CEP89: variants seen among roughly 807,000 people sequenced by gnomAD.
CEP89 encodes centrosomal protein 89, also known as centrosomal protein of 89 kDa.
CEP89 carries 95 observed loss-of-function variants against 97.6 expected under a neutral mutation model. The ratio of observed to expected loss-of-function variants is 0.97; its 90% CI spans 0.82 to 1.15. The LOEUF is 1.15. Among genes scored for constraint, CEP89 ranks in the 50% most tolerant of loss-of-function variants. CEP89 has a pLI of 0.00. For synonymous variants in CEP89, 354 were observed against 349.1 expected, an observed-to-expected ratio of 1.01 and a Z score of -0.16; for missense variants, 869 against 947.7, an observed-to-expected ratio of 0.92 and a Z score of 1.09.
At chr19:32,935,746 G>A (rs1017808593) in intron 7 of CEP89, among the ~76,000 whole-genome samples, 1 of 152,116 alleles carries the variant, frequency 6.6e-6, no homozygotes, top group Non-Finnish European at 1.5e-5. Flanking sequence ...CAAGCCTCTT[G>A]CTCCATGGAG....
intron 14 of CEP89, among the ~76,000 whole-genome samples, chr19:32,907,640 T>C (rs1319546677): frequency 6.6e-6 from 1 of 152,130 alleles, no homozygotes; most frequent in African/African-American, 2.4e-5. Context: ...TTAGTAGAGA[T>C]GGCGTTTCAC....
Position 32,936,059 on chromosome 19 carries a change from C to G in CEP89, c.667+1572G>C, listed in dbSNP as rs1296632099. On this transcript the variant is annotated intron_variant, in intron 7 of 18. Coordinates refer to ENST00000305768, the MANE Select transcript of CEP89 (RefSeq NM_032816.5). The surrounding 1 kb of genome is among the most constrained non-coding windows in gnomAD (Gnocchi z 4.5). ...ACAGTTGCCCTCCCATGTGTAGGACCTGGGTGTCTCTGCAGTCTGCACCCT... is the reference window on the plus strand; with the variant it reads ...ACAGTTGCCCTCCCATGTGTAGGACGTGGGTGTCTCTGCAGTCTGCACCCT... Among the ~76,000 whole-genome samples, 1 of 152,078 alleles carries G rather than the reference C, an allele frequency of 6.6e-6. No homozygotes were observed. The highest frequency in any genetic ancestry group is 1.9e-4 in the East Asian group (1 of 5,170).
intron 1 of CEP89, 144 bp downstream of exon 1, chr19:32,971,692 T>A: frequency 4.2e-6 from 3 of 718,034 alleles, no homozygotes; most frequent in African/African-American, 1.9e-5. Context: ...ACACGAAAAA[T>A]CAAGGCTTCC....
chr19:32,894,869 C>A (rs1299618240), intron 16 of CEP89, among the ~76,000 whole-genome samples: 1 of 152,184 alleles, frequency 6.6e-6, no homozygotes, highest in African/African-American at 2.4e-5. Flanking sequence ...CTCTCAAATT[C>A]TTTTGTGAAG....
At chr19:32,912,372 AAGGAGATTT>A (rs1230034472) in intron 14 of CEP89, among the ~76,000 whole-genome samples, 2 of 152,144 alleles carry the variant, frequency 1.3e-5, no homozygotes, top group Non-Finnish European at 2.9e-5. Context: ...ACTTTAAATA[AAGGAGATTT>A]ACTCTCAGTA....
intron 5 of CEP89, 46 bp downstream of exon 5, chr19:32,948,220 A>G (rs374491446): frequency 8.8e-7 from 1 of 1,136,784 alleles, no homozygotes. Flanking sequence ...TTCATTATGA[A>G]AAAATGTTCT....
intron 18 of CEP89, among the ~76,000 whole-genome samples, chr19:32,880,186 G>A (rs1969251627): frequency 1.3e-5 from 2 of 152,190 alleles, no homozygotes; most frequent in South Asian, 2.1e-4. Context: ...TAGCCCCATC[G>A]GGGAGCATGG....
chr19:32,946,397 A>G (rs547855380), intron 5 of CEP89, among the ~76,000 whole-genome samples: 1 of 152,342 alleles, frequency 6.6e-6, no homozygotes, highest in South Asian at 2.1e-4. Flanking sequence ...GATGTTACAC[A>G]AGGCAGGAGA....
At chr19:32,891,379 C>G (rs191969310) in intron 16 of CEP89, among the ~76,000 whole-genome samples, 43 of 149,398 alleles carry the variant, frequency 2.9e-4, no homozygotes, top group Non-Finnish European at 5.4e-4. Context: ...ACACATACAC[C>G]AATACAAAAA....
chr19:32,898,671 C>A (rs945257608), intron 16 of CEP89, among the ~76,000 whole-genome samples: 1 of 152,012 alleles, frequency 6.6e-6, no homozygotes, highest in Non-Finnish European at 1.5e-5. Flanking sequence ...CTCTTGAGGC[C>A]AGGAATTCAA....
In CEP89 at chr19:32,915,567, A is replaced by C. The variant is rs577231732; in HGVS notation, c.1385-50T>G. Reference sequence around the variant, plus strand: ...AAACTTGGCACAGAAGACCTCACAAAACACAATTATGGGCTATTAGGAAAT... The same window carrying C: ...AAACTTGGCACAGAAGACCTCACAACACACAATTATGGGCTATTAGGAAAT... On this transcript the variant is annotated intron_variant, in intron 13 of 18. Transcript: ENST00000305768. 36 of 1,498,232 alleles carry C rather than the reference A, an allele frequency of 2.4e-5. No individual in the cohort carries two copies. In the East Asian group the frequency reaches 8.1e-4, roughly 34 times the overall value. 92.8% of individuals were successfully genotyped at this position (1,498,232 alleles called of 1,614,324 possible).
chr19:32,887,031 A>C (rs1409671839), intron 17 of CEP89, among the ~76,000 whole-genome samples: 2 of 84,544 alleles, frequency 2.4e-5, no homozygotes, highest in Admixed American at 2.1e-4. Context: ...AAAAAATACA[A>C]AAAAAAAAAA....
chr19:32,884,581 AT>A (rs1298908454), intron 17 of CEP89, among the ~76,000 whole-genome samples: 3 of 151,848 alleles, frequency 2.0e-5, no homozygotes, highest in East Asian at 1.9e-4. Flanking sequence ...AATTAAAACA[AT>A]TTTTTTTAGA....
intron 11 of CEP89, among the ~76,000 whole-genome samples, chr19:32,925,433 A>C (rs1286876866): frequency 6.6e-6 from 1 of 151,316 alleles, no homozygotes; most frequent in East Asian, 1.9e-4. Context: ...GAAGCATCTA[A>C]GTTTGCCCAA....
chr19:32,926,405 A>C, intron 10 of CEP89, 132 bp from the exon 11 acceptor site: 2 of 669,418 alleles, frequency 3.0e-6, no homozygotes, highest in Non-Finnish European at 5.2e-6. Flanking sequence ...TTTTTTAACG[A>C]CTCTCCCAGC....
In CEP89 at chr19:32,875,948, G is replaced by A. The variant is rs1421950740; in HGVS notation, c.*3214C>T. On this transcript the variant is annotated 3_prime_UTR_variant, in exon 19 of 19. Transcript: ENST00000305768. ...CCTGGGTGTTATTTCTTTTTTAATT[G>A]TCTATATAACAAAATCCACTGTTGT... 6.6e-6 allele frequency: 1 copy of A among 152,120 alleles called. No homozygotes were observed. Among genetic ancestry groups the A allele is most frequent in the African/African-American group, 2.4e-5 (1 of 41,420 alleles). The allele number at this position is 152,120 out of a possible 1,614,324, so 9.4% of individuals were successfully genotyped here.
chr19:32,881,853 T>C lies in CEP89; in HGVS notation c.2126A>G (p.Gln709Arg). Residue 709 changes from glutamine to arginine, a missense_variant, in exon 18 of 19, where the codon CAG (glutamine) becomes CGG (arginine). By Grantham distance (43) the Gln-to-Arg change is conservative. Coordinates refer to ENST00000305768, the MANE Select transcript of CEP89 (RefSeq NM_032816.5). The part of the protein sequence containing the change: ...DKQEVLDQAL[Q>R]QNREMEGELE... Reference sequence around the variant, plus strand: ...AGGGCGCATGCCCCACCTGTTCTGCTGCAGCGCCTGGTCCAGCACCTCCTG... The same window carrying C: ...AGGGCGCATGCCCCACCTGTTCTGCCGCAGCGCCTGGTCCAGCACCTCCTG... The C allele has an allele frequency of 6.2e-7, 1 of 1,602,178 alleles. No individual in the cohort carries two copies. The highest frequency in any genetic ancestry group is 1.7e-5 in the Admixed American group (1 of 59,626).
chr19:32,902,008 C>CTGTGTGTGTGTGTGTGTGTGTGTG (rs1265424963), intron 14 of CEP89, among the ~76,000 whole-genome samples: 8 of 99,640 alleles, frequency 8.0e-5, no homozygotes, highest in African/African-American at 3.3e-4. Flanking sequence ...CTCTCTCTCT[C>CTGTGTGTGTGTGTGTGTGTGTGTG]TCTGTGTGTG....
At chr19:32,955,655 AG>A (rs1455576056) in intron 3 of CEP89, among the ~76,000 whole-genome samples, 1 of 152,140 alleles carries the variant, frequency 6.6e-6, no homozygotes, top group African/African-American at 2.4e-5. Flanking sequence ...CTGGGACTAC[AG>A]GCGCCTGCCA....
Sources: allele counts gnomAD v4.1 joint callset (sites outside exome capture counted in the v4.1 genomes callset), GRCh38; gene constraint gnomAD v4.1.1; non-coding constraint Gnocchi (gnomAD v3.1); transcripts MANE v1.5; gene names NCBI Gene and HGNC (gene_info 2026-07-23, HGNC 2026-07-21).